Variants in NXPE2 observed in about 807,000 individuals in gnomAD.
NXPE2 encodes NXPE family member 2.
Under a neutral mutation model 34.4 loss-of-function variants are expected in NXPE2, and 34 were observed. The observed-to-expected ratio is 0.99, with a 90% confidence interval of 0.75 to 1.31. The LOEUF (loss-of-function observed/expected upper bound fraction) is 1.31, where lower values mean the gene tolerates loss of function less well. Among genes scored for constraint, NXPE2 ranks in the 40% most tolerant of loss-of-function variants. The probability of loss-of-function intolerance (pLI) is 0.00; values close to 1 mark genes in which losing one functional copy is unlikely to be tolerated. For synonymous variants in NXPE2, 235 were observed against 231.3 expected, an observed-to-expected ratio of 1.02 and a Z score of -0.15; for missense variants, 649 against 672.5, an observed-to-expected ratio of 0.97 and a Z score of 0.39.
At chr11:114,565,810 A>G in the NXPE2 span, among the ~76,000 whole-genome samples, 1 of 152,206 alleles carries the variant, frequency 6.6e-6, no homozygotes, top group Non-Finnish European at 1.5e-5. Flanking sequence ...AATGGGTTGT[A>G]GAAGTTTCAA....
chr11:114,645,532 T>C, the NXPE2 span, among the ~76,000 whole-genome samples: 1 of 152,046 alleles, frequency 6.6e-6, no homozygotes, highest in Admixed American at 6.6e-5. Context: ...TTGATAAATT[T>C]AACTATATTA....
chr11:114,586,969 C>G, the NXPE2 span, among the ~76,000 whole-genome samples: 3 of 152,148 alleles, frequency 2.0e-5, no homozygotes, highest in Non-Finnish European at 4.4e-5. Context: ...CCCCACACCC[C>G]CTGTGAACAT....
the NXPE2 span, among the ~76,000 whole-genome samples, chr11:114,625,822 C>A: frequency 6.6e-6 from 1 of 152,002 alleles, no homozygotes; most frequent in South Asian, 2.1e-4. Flanking sequence ...GTGAGCACAC[C>A]ACGTGCAAGC....
At chr11:114,653,158 G>T in the NXPE2 span, among the ~76,000 whole-genome samples, 2 of 152,104 alleles carry the variant, frequency 1.3e-5, no homozygotes, top group Non-Finnish European at 2.9e-5. Context: ...AAGTTTCAAA[G>T]TTATAAAAGT....
chr11:114,568,732 C>G, the NXPE2 span, among the ~76,000 whole-genome samples: 1 of 152,156 alleles, frequency 6.6e-6, no homozygotes, highest in Admixed American at 6.6e-5. Context: ...TTCAATGCTT[C>G]TCTTCTGAGA....
chr11:114,633,831 A>G, the NXPE2 span, among the ~76,000 whole-genome samples: 2 of 152,002 alleles, frequency 1.3e-5, no homozygotes, highest in Admixed American at 6.6e-5. Flanking sequence ...TCCATGGTGT[A>G]TATGTGCCAC....
chr11:114,680,109 C>G (rs1032311421), intron 2 of NXPE2, among the ~76,000 whole-genome samples: 1 of 152,134 alleles, frequency 6.6e-6, no homozygotes, highest in African/African-American at 2.4e-5. Context: ...AGTCCTCTGC[C>G]TTCTTCACAG....
Position 114,706,952 on chromosome 11 carries a change from C to T in NXPE2, c.*22C>T, listed in dbSNP as rs775227830. On this transcript the variant is annotated 3_prime_UTR_variant, in exon 6 of 6. Transcript: ENST00000389586. ...TTAGAGGAAAAATACAAAAATAGCA[C>T]TAGCCACTTTCTATAGATGATCTCA... The T allele has an allele frequency of 1.3e-4, 199 of 1,513,182 alleles. No individual in the cohort carries two copies. The allele number at this position is 1,513,182 out of a possible 1,614,324, so 93.7% of individuals were successfully genotyped here. A position where few individuals can be genotyped will look rare whatever the true frequency, so the allele number is the denominator to read the frequency against.
At chr11:114,616,723 A>T in the NXPE2 span, among the ~76,000 whole-genome samples, 1 of 151,710 alleles carries the variant, frequency 6.6e-6, no homozygotes, top group Non-Finnish European at 1.5e-5. Context: ...GTGTATAATA[A>T]GTGTTGCCTC....
the NXPE2 span, among the ~76,000 whole-genome samples, chr11:114,748,185 C>G: frequency 6.6e-6 from 1 of 152,054 alleles, no homozygotes; most frequent in African/African-American, 2.4e-5. Flanking sequence ...TGTTTTGAAA[C>G]AATTTTAACC....
chr11:114,632,251 T>C, the NXPE2 span, among the ~76,000 whole-genome samples: 2 of 139,834 alleles, frequency 1.4e-5, no homozygotes, highest in Non-Finnish European at 3.1e-5. Context: ...TATATGTGTA[T>C]ATATGTATAA....
intron 2 of NXPE2, among the ~76,000 whole-genome samples, chr11:114,687,744 T>C: frequency 6.6e-6 from 1 of 152,066 alleles, no homozygotes. Context: ...GCAAGGGATG[T>C]TTTTCCATTT....
the NXPE2 span, among the ~76,000 whole-genome samples, chr11:114,659,788 C>T: frequency 1.3e-5 from 2 of 151,848 alleles, no homozygotes; most frequent in African/African-American, 4.8e-5. Context: ...ACAAATTAAA[C>T]CCAAAGTAAG....
chr11:114,535,360 G>T, the NXPE2 span, among the ~76,000 whole-genome samples: 1 of 152,162 alleles, frequency 6.6e-6, no homozygotes, highest in Non-Finnish European at 1.5e-5. Context: ...AGGCTAGGAA[G>T]AAACTACATC....
At chr11:114,626,334 T>C in the NXPE2 span, among the ~76,000 whole-genome samples, 6 of 152,304 alleles carry the variant, frequency 3.9e-5, no homozygotes, top group African/African-American at 1.2e-4. Context: ...GATCTGAGAA[T>C]GGGCAGACTG....
At chr11:114,803,802 A>G in the NXPE2 span, among the ~76,000 whole-genome samples, 2 of 151,500 alleles carry the variant, frequency 1.3e-5, 1 homozygote, top group South Asian at 4.2e-4. Flanking sequence ...ATGGTCTCAA[A>G]CTCCAGACCT....
the NXPE2 span, among the ~76,000 whole-genome samples, chr11:114,727,056 T>C: frequency 6.6e-6 from 1 of 152,102 alleles, no homozygotes; most frequent in African/African-American, 2.4e-5. Flanking sequence ...TAAAAACTCT[T>C]TCAGCTTCCA....
the NXPE2 span, among the ~76,000 whole-genome samples, chr11:114,535,633 C>A: frequency 6.6e-6 from 1 of 152,098 alleles, no homozygotes; most frequent in East Asian, 1.9e-4. Flanking sequence ...GATTGCAATC[C>A]TAGTCTCGGA....
chr11:114,719,996 C>A, the NXPE2 span, among the ~76,000 whole-genome samples: 1 of 152,212 alleles, frequency 6.6e-6, no homozygotes, highest in African/African-American at 2.4e-5. Context: ...GTGTTTGCTG[C>A]ACTGGCTGGG....
Sources: gnomAD v4.1 joint callset for allele counts (sites outside exome capture counted in the v4.1 genomes callset) on GRCh38, gnomAD v4.1.1 for gene constraint, MANE v1.5 for transcripts, NCBI Gene and HGNC (gene_info 2026-07-23, HGNC 2026-07-21) for gene names.